Variants in KCNU1 observed in about 807,000 individuals in gnomAD.
KCNU1 encodes the protein potassium channel subfamily U member 1.
KCNU1 carries 93 observed loss-of-function variants against 126.8 expected under a neutral mutation model. The observed-to-expected ratio is 0.73, with a 90% CI of 0.62 to 0.87. The LOEUF (loss-of-function observed/expected upper bound fraction) is 0.87. Ranked by LOEUF, KCNU1 falls within the 40% of genes least tolerant of loss-of-function variation. The pLI is 0.00. For missense variants in KCNU1, 1,330 were observed against 1,367.1 expected (o/e 0.97, Z 0.43); for synonymous variants, 523 against 494.2 (o/e 1.06, Z -0.77).
intron 16 of KCNU1, among the ~76,000 whole-genome samples, chr8:36,841,209 T>G (rs553220883): frequency 6.6e-6 from 1 of 152,166 alleles, no homozygotes; most frequent in East Asian, 1.9e-4. Context: ...GGTGACCCTC[T>G]TGGGCAAACA....
At chr8:36,898,492 T>C (rs1183907787) in intron 19 of KCNU1, among the ~76,000 whole-genome samples, 17 of 151,806 alleles carry the variant, frequency 1.1e-4, no homozygotes, top group Non-Finnish European at 1.5e-5. Context: ...CCTTGGGAAG[T>C]GGATCAATAC....
chr8:36,809,475 C>T (rs1803629659), intron 7 of KCNU1, among the ~76,000 whole-genome samples: 1 of 152,190 alleles, frequency 6.6e-6, no homozygotes, highest in African/African-American at 2.4e-5. Context: ...GAGCCCTTCT[C>T]TCAAAATTAA....
rs1040288419 is a variant in KCNU1, at chr8:36,935,627, C to T, written c.3157C>T (p.Gln1053Ter). Reference protein sequence around the residue: ...CYKRNEEFSLQKSYEIVNKAS... With the variant: ...CYKRNEEFSL ...TAAAAGGAATGAAGAGTTCTCATTG[C>T]AAAAGTCATATGAAATTGTAAATAA... Residue 1053 changes from glutamine (Q) to a stop codon, truncating the protein, a stop_gained, in exon 27 of 27, where the codon CAA (glutamine) becomes TAA (stop). Transcript: ENST00000399881. LOFTEE classifies it low-confidence loss of function (END_TRUNC). 1.9e-6 allele frequency: 3 copies of T among 1,613,204 alleles called. No homozygotes were observed. Among genetic ancestry groups the T allele is most frequent in the Admixed American group, 3.3e-5 (2 of 59,918 alleles).
At chr8:36,893,574 T>C (rs1043219957) in intron 19 of KCNU1, among the ~76,000 whole-genome samples, 2 of 152,058 alleles carry the variant, frequency 1.3e-5, no homozygotes, top group African/African-American at 4.8e-5. Flanking sequence ...GCTGCTAGAC[T>C]GCTGGTTTTC....
At chr8:36,787,667 T>G (rs952054069) in intron 2 of KCNU1, among the ~76,000 whole-genome samples, 21 of 146,540 alleles carry the variant, frequency 1.4e-4, no homozygotes, top group African/African-American at 5.1e-4. Flanking sequence ...TATAATAATT[T>G]TATAATATTA....
intron 2 of KCNU1, among the ~76,000 whole-genome samples, chr8:36,797,633 T>C (rs1803149221): frequency 6.8e-6 from 1 of 147,224 alleles, no homozygotes; most frequent in Admixed American, 7.2e-5. Context: ...GAATGTTTCT[T>C]CTTTTTTTTT....
chr8:36,923,137 G>C (rs1808422015), intron 24 of KCNU1: 1 of 450,572 alleles, frequency 2.2e-6, no homozygotes, highest in South Asian at 1.6e-5. Flanking sequence ...TTAGTTTTCA[G>C]CACCTCTTTA....
At position 36,931,002 on chromosome 8, in the gene KCNU1, G is replaced by A; in HGVS notation, c.2788G>A (p.Gly930Arg). Residue 930 changes from glycine to arginine, a missense_variant, in exon 25 of 27, where the codon GGA becomes AGA. By Grantham distance (125) the Gly-to-Arg change is moderately radical. Coordinates refer to ENST00000399881, the MANE Select transcript of KCNU1 (RefSeq NM_001031836.3). ...ATTGCTTCAGATGCTGGTGACAGGAGGAGTAAGTTCTCAGCTGGAACAACA... is the reference window on the plus strand; with the variant it reads ...ATTGCTTCAGATGCTGGTGACAGGAAGAGTAAGTTCTCAGCTGGAACAACA... Reference protein sequence around the residue: ...LELLQMLVTGGVSSQLEQHLD... With the variant: ...LELLQMLVTGRVSSQLEQHLD... The A allele has an allele frequency of 6.2e-7, 1 of 1,609,678 alleles. No homozygotes were observed. Among genetic ancestry groups the A allele is most frequent in the Non-Finnish European group, 8.5e-7 (1 of 1,177,914 alleles).
At chr8:36,924,768 T>C (rs1419510170) in intron 24 of KCNU1, among the ~76,000 whole-genome samples, 1 of 152,168 alleles carries the variant, frequency 6.6e-6, no homozygotes, top group Non-Finnish European at 1.5e-5. Flanking sequence ...ACTTGACCTG[T>C]CTGCAGATAC....
At chr8:36,849,351 G>A (rs377566719) in intron 18 of KCNU1, among the ~76,000 whole-genome samples, 2 of 152,328 alleles carry the variant, frequency 1.3e-5, no homozygotes, top group South Asian at 4.1e-4. Context: ...CACTTTGGGA[G>A]GCTGAGGTGG....
In KCNU1 at chr8:36,865,365, A is replaced by G. The variant is rs148588950; in HGVS notation, c.2009+844A>G. Among the ~76,000 whole-genome samples, 115 of 152,282 alleles carry G rather than the reference A, an allele frequency of 7.6e-4. 2 individuals are homozygous for G. In the East Asian group the frequency reaches 0.016, roughly 22 times the overall value. ...AATCCTACTTCTGGGCATTTATTCA[A>G]AGAAAACAAAATCAGTATTTCAAAG... On this transcript the variant is annotated intron_variant, in intron 19 of 26. Transcript: ENST00000399881.
At chr8:36,880,996 TA>T (rs1260314329) in intron 19 of KCNU1, among the ~76,000 whole-genome samples, 1 of 150,736 alleles carries the variant, frequency 6.6e-6, no homozygotes, top group African/African-American at 2.4e-5. Context: ...GGCATCAATA[TA>T]AAAAAAAATA....
intron 19 of KCNU1, chr8:36,888,952 C>A: frequency 2.5e-6 from 1 of 398,696 alleles, no homozygotes; most frequent in Non-Finnish European, 5.1e-6. Context: ...AATCACAGCT[C>A]ACTGCAATTT....
chr8:36,805,296 A>G lies in KCNU1; in HGVS notation c.468+11A>G. 4 of 1,510,350 alleles carry G rather than the reference A, an allele frequency of 2.6e-6. No individual in the cohort carries two copies. Among genetic ancestry groups the G allele is most frequent in the Non-Finnish European group, 3.7e-6 (4 of 1,095,698 alleles). The allele number at this position is 1,510,350 out of a possible 1,614,324, so 93.6% of individuals were successfully genotyped here. A position where few individuals can be genotyped will look rare whatever the true frequency, so the allele number is the denominator to read the frequency against. Reference sequence around the variant, plus strand: ...TATTTTGGATTGAGGGTAAGTACCTATTGAAAGTGGGAGTGAATATCCAAA... The same window carrying G: ...TATTTTGGATTGAGGGTAAGTACCTGTTGAAAGTGGGAGTGAATATCCAAA... On this transcript the variant is annotated intron_variant, in intron 4 of 26. Coordinates refer to ENST00000399881, the MANE Select transcript of KCNU1 (RefSeq NM_001031836.3).
intron 10 of KCNU1, among the ~76,000 whole-genome samples, chr8:36,820,158 G>A (rs1219672945): frequency 1.3e-5 from 2 of 152,150 alleles, no homozygotes; most frequent in Non-Finnish European, 2.9e-5. Context: ...GATGCCCCTA[G>A]TCAACAATAC....
At chr8:36,799,461 G>T (rs1335894984) in intron 2 of KCNU1, among the ~76,000 whole-genome samples, 1 of 151,400 alleles carries the variant, frequency 6.6e-6, no homozygotes, top group Non-Finnish European at 1.5e-5. Context: ...TTTTGGGAGG[G>T]GGGGCAGGGT....
In KCNU1 at chr8:36,909,411, T is replaced by C. The variant is rs1165986955; in HGVS notation, c.2207T>C (p.Met736Thr). The C allele has an allele frequency of 2.5e-6, 4 of 1,613,058 alleles. No individual in the cohort carries two copies. The highest frequency in any genetic ancestry group is 3.4e-6 in the Non-Finnish European group (4 of 1,179,138). The change falls in exon 21 of 27, where the codon ATG (methionine) becomes ACG (threonine). Residue 736 changes from methionine to threonine, a missense_variant. Coordinates refer to ENST00000399881, the MANE Select transcript of KCNU1 (RefSeq NM_001031836.3). ...SAPMGLRNFVMPLRASNYTRK... is the reference protein window; with the variant it reads ...SAPMGLRNFVTPLRASNYTRK... ...CCGATGGGGCTTCGGAACTTTGTAA[T>C]GCCCTTGAGAGCCAGCAACTATACC...
intron 10 of KCNU1, among the ~76,000 whole-genome samples, chr8:36,825,983 A>G (rs1804304704): frequency 6.6e-6 from 1 of 151,946 alleles, no homozygotes; most frequent in Non-Finnish European, 1.5e-5. Context: ...TAATTTTCCT[A>G]TGATGTGTAT....
intron 10 of KCNU1, among the ~76,000 whole-genome samples, chr8:36,827,416 G>A (rs1804365337): frequency 6.6e-6 from 1 of 152,156 alleles, no homozygotes; most frequent in African/African-American, 2.4e-5. Context: ...GTGTGACCAC[G>A]AAATGTTATC....
Sources: gnomAD v4.1 joint callset for allele counts (sites outside exome capture counted in the v4.1 genomes callset) on GRCh38, gnomAD v4.1.1 for gene constraint, MANE v1.5 for transcripts, NCBI Gene and HGNC (gene_info 2026-07-23, HGNC 2026-07-21) for gene names.